MYO1H: variants seen among roughly 807,000 people sequenced by gnomAD.
MYO1H encodes the protein unconventional myosin-Ih.
In MYO1H, 118 loss-of-function variants were observed where a neutral mutation model predicts 149.3. The observed-to-expected ratio is 0.79, with a 90% CI of 0.68 to 0.92. The LOEUF (loss-of-function observed/expected upper bound fraction) is 0.92. Ranked by LOEUF, MYO1H falls within the 40% of genes least tolerant of loss-of-function variation. MYO1H has a pLI of 0.00. For missense variants in MYO1H, 1,212 were observed against 1,280.7 expected, an observed-to-expected ratio of 0.95 and a Z score of 0.82; for synonymous variants, 447 against 465.2, an observed-to-expected ratio of 0.96 and a Z score of 0.50.
At chr12:109,334,592 C>T in the MYO1H span, among the ~76,000 whole-genome samples, 8 of 152,192 alleles carry the variant, frequency 5.3e-5, no homozygotes, top group Non-Finnish European at 7.3e-5. Context: ...AGCTAGTACA[C>T]TTCTCACAAG....
intron 1 of MYO1H, among the ~76,000 whole-genome samples, chr12:109,370,894 G>T (rs1183895751): frequency 6.6e-6 from 1 of 152,196 alleles, no homozygotes; most frequent in Admixed American, 6.5e-5. Context: ...CTCAGCCTAA[G>T]ATCAAGGAAT....
chr12:109,415,262 G>A (rs1870853534), intron 14 of MYO1H, among the ~76,000 whole-genome samples: 4 of 152,066 alleles, frequency 2.6e-5, no homozygotes. Context: ...AGATCACGAG[G>A]TCAGGAGTTC....
chr12:109,346,508 T>C (rs190898423), upstream of MYO1H, among the ~76,000 whole-genome samples: 868 of 152,282 alleles, frequency 5.7e-3, 8 homozygotes, highest in African/African-American at 0.02. Context: ...CACCTGTAAT[T>C]CCAGCACTTT....
intron 1 of MYO1H, among the ~76,000 whole-genome samples, chr12:109,356,552 T>C (rs1868608163): frequency 6.6e-6 from 1 of 152,098 alleles, no homozygotes; most frequent in Non-Finnish European, 1.5e-5. Flanking sequence ...CATTTATCAG[T>C]AGGAAGTAGT....
At position 109,420,959 on chromosome 12, in the gene MYO1H, A is replaced by C. The variant is rs752205814; in HGVS notation, c.1598-22A>C. On this transcript the variant is annotated intron_variant, in intron 15 of 31. Transcript: ENST00000310903. ...TTAGGCAGAGACATTGATTCAAAAA[A>C]TTTTTCTTCAATGTTTTACAGGATT... The C allele has an allele frequency of 1.9e-5, 27 of 1,425,148 alleles. No individual in the cohort carries two copies. In the Middle Eastern group the frequency reaches 5.3e-4, roughly 28 times the overall value. The allele number at this position is 1,425,148 out of a possible 1,614,324, so 88.3% of individuals were successfully genotyped here. A position where few individuals can be genotyped will look rare whatever the true frequency, so the allele number is the denominator to read the frequency against.
intron 6 of MYO1H, among the ~76,000 whole-genome samples, chr12:109,403,550 A>G (rs2137052949): frequency 6.6e-6 from 1 of 152,342 alleles, no homozygotes; most frequent in East Asian, 1.9e-4. Flanking sequence ...CCTTGCAGGA[A>G]AGGCTTCTTT....
At chr12:109,425,885 T>A (rs977368122) in intron 17 of MYO1H, 61 bp from the exon 18 acceptor site, 11 of 1,215,476 alleles carry the variant, frequency 9.0e-6, no homozygotes, top group Non-Finnish European at 1.3e-5. Flanking sequence ...CTTTTTGTAT[T>A]CGTTGGAAGC....
intron 2 of MYO1H, among the ~76,000 whole-genome samples, chr12:109,389,324 G>T (rs896147369): frequency 6.6e-6 from 1 of 152,058 alleles, no homozygotes; most frequent in Non-Finnish European, 1.5e-5. Flanking sequence ...GCCCACTTTC[G>T]GTCATGTGCC....
At position 109,388,183 on chromosome 12, in the gene MYO1H, AT is replaced by A. The variant is rs1276664562; in HGVS notation, c.13-496del. Among the ~76,000 whole-genome samples, 318 of 150,772 alleles carry A rather than the reference AT, an allele frequency of 2.1e-3. 2 individuals are homozygous for A. The highest frequency in any genetic ancestry group is 7.0e-3 in the African/African-American group (279 of 40,020). ...CACTTATTGAAATAAAGAAAAATTAATTTTAAAAAAAGAAAAAATTCAAGCT... is the reference window on the plus strand; with the variant it reads ...CACTTATTGAAATAAAGAAAAATTAATTTAAAAAAAGAAAAAATTCAAGCT... On this transcript the variant is annotated intron_variant, in intron 1 of 31. Coordinates refer to ENST00000310903, the Ensembl canonical transcript of MYO1H.
chr12:109,394,448 G>A (rs1280252331), intron 3 of MYO1H, among the ~76,000 whole-genome samples: 1 of 152,026 alleles, frequency 6.6e-6, no homozygotes, highest in African/African-American at 2.4e-5. Context: ...ACGTTTTTAG[G>A]CCTTAAAACC....
chr12:109,354,204 A>G (rs1486322116), intron 1 of MYO1H: 2 of 152,194 alleles, frequency 1.3e-5, no homozygotes, highest in African/African-American at 2.4e-5. Context: ...AATTGTACAC[A>G]TTTATCTTTA....
intron 27 of MYO1H, among the ~76,000 whole-genome samples, 159 bp from the exon 28 acceptor site, chr12:109,443,355 T>TACACAC (rs10545297): frequency 0.024 from 1,825 of 74,756 alleles, 346 homozygotes; most frequent in Non-Finnish European, 0.034. Context: ...TGTGTGTATA[T>TACACAC]ACACACACAC....
chr12:109,372,222 A>G (rs748299863), intron 1 of MYO1H, among the ~76,000 whole-genome samples: 1 of 151,992 alleles, frequency 6.6e-6, no homozygotes, highest in South Asian at 2.1e-4. Flanking sequence ...GTCTTGCTTC[A>G]TTCATATTTT....
chr12:109,397,871 C>A, intron 5 of MYO1H, 59 bp downstream of exon 5: 2 of 1,384,644 alleles, frequency 1.4e-6, no homozygotes, highest in Non-Finnish European at 2.0e-6. Flanking sequence ...AGTGACGGAA[C>A]CCAAGCCAAG....
intron 6 of MYO1H, 70 bp downstream of exon 6, chr12:109,401,342 C>A: frequency 6.8e-7 from 1 of 1,464,878 alleles, no homozygotes; most frequent in South Asian, 1.3e-5. Context: ...CTACGTGCTG[C>A]TGTAGGATGT....
chr12:109,350,487 G>A (rs897704778), intron 1 of MYO1H, among the ~76,000 whole-genome samples: 1 of 152,216 alleles, frequency 6.6e-6, no homozygotes, highest in African/African-American at 2.4e-5. Flanking sequence ...CTGCCGCCAT[G>A]TGAGGCATGG....
At chr12:109,320,203 G>A in the MYO1H span, among the ~76,000 whole-genome samples, 1 of 151,800 alleles carries the variant, frequency 6.6e-6, no homozygotes, top group Non-Finnish European at 1.5e-5. Flanking sequence ...AGTCCCAGCT[G>A]CTTGAGAAGC....
intron 1 of MYO1H, among the ~76,000 whole-genome samples, chr12:109,379,714 T>TTTAG (rs1449732848): frequency 1.3e-5 from 2 of 151,310 alleles, no homozygotes; most frequent in Non-Finnish European, 1.5e-5. Flanking sequence ...AAGAAACTGT[T>TTTAG]TTAGCAATTT....
intron 31 of MYO1H, 176 bp downstream of exon 31, chr12:109,445,788 C>T: frequency 2.0e-6 from 2 of 985,364 alleles, no homozygotes; most frequent in South Asian, 4.7e-5. Flanking sequence ...TAGAGATACA[C>T]ACATCTAAAC....
Sources: gnomAD v4.1 joint callset for allele counts (sites outside exome capture counted in the v4.1 genomes callset) on GRCh38, gnomAD v4.1.1 for gene constraint, MANE v1.5 for transcripts, NCBI Gene and HGNC (gene_info 2026-07-23, HGNC 2026-07-21) for gene names.